The following ERBIN variants were observed in gnomAD, a reference collection of about 807,000 sequenced individuals.
The protein encoded by ERBIN is densin-180-like protein.
A neutral mutation model predicts 158.4 loss-of-function variants in ERBIN; 60 were observed. The observed-to-expected ratio is 0.38, with a 90% CI of 0.31 to 0.47. ERBIN has a LOEUF of 0.47. Among genes scored for constraint, ERBIN ranks in the 20% least tolerant of loss-of-function variants. The pLI is 0.99. For synonymous variants in ERBIN, 594 were observed against 557.2 expected (o/e 1.07, Z -0.93); for missense variants, 1,610 against 1,648.0 (o/e 0.98, Z 0.40).
chr5:66,039,691 A>T (rs1757749099), intron 15 of ERBIN, among the ~76,000 whole-genome samples: 1 of 151,942 alleles, frequency 6.6e-6, no homozygotes, highest in Non-Finnish European at 1.5e-5. Context: ...TATTAAGTAT[A>T]CTATATTTTG....
At chr5:66,068,864 CCT>C (rs1160930) in intron 21 of ERBIN, 544,100 of 1,524,808 alleles carry the variant, frequency 0.36, 104,587 homozygotes, top group Non-Finnish European at 0.4. Context: ...AAATCTATCC[CCT>C]CTTTATTCAG....
At chr5:65,982,785 C>T (rs1232637020) in intron 1 of ERBIN, among the ~76,000 whole-genome samples, 1 of 152,136 alleles carries the variant, frequency 6.6e-6, no homozygotes, top group Non-Finnish European at 1.5e-5. Flanking sequence ...AATTAAATTA[C>T]TTATAGACTA....
chr5:66,011,576 A>G (rs1055349060), intron 4 of ERBIN, among the ~76,000 whole-genome samples: 1 of 152,182 alleles, frequency 6.6e-6, no homozygotes, highest in African/African-American at 2.4e-5. Flanking sequence ...AATCTCAGCT[A>G]TTCAGGAGGC....
intron 1 of ERBIN, among the ~76,000 whole-genome samples, chr5:65,948,216 C>G (rs1746036142): frequency 6.6e-6 from 1 of 151,946 alleles, no homozygotes; most frequent in South Asian, 2.1e-4. Context: ...GGATGTTGCT[C>G]TGTGTCCCAG....
intron 1 of ERBIN, among the ~76,000 whole-genome samples, chr5:65,962,335 C>A (rs1292782081): frequency 6.6e-6 from 1 of 152,000 alleles, no homozygotes; most frequent in Non-Finnish European, 1.5e-5. Flanking sequence ...TATTAAGCTA[C>A]TAGAAAAATG....
intron 4 of ERBIN, among the ~76,000 whole-genome samples, chr5:66,005,159 G>T (rs1753456033): frequency 6.6e-6 from 1 of 152,160 alleles, no homozygotes; most frequent in African/African-American, 2.4e-5. Flanking sequence ...AGTCATCTGA[G>T]GTGATAGTGA....
At chr5:65,926,868 G>T (rs1349328824) in intron 1 of ERBIN, 62 bp downstream of exon 1, 1 of 152,116 alleles carries the variant, frequency 6.6e-6, no homozygotes, top group South Asian at 2.1e-4. Flanking sequence ...ACTCGGAAAA[G>T]AGATGATTCT....
At chr5:66,055,271 TTAA>T in intron 21 of ERBIN, 1 of 262,928 alleles carries the variant, frequency 3.8e-6, no homozygotes, top group Non-Finnish European at 6.4e-6. Flanking sequence ...AACTTTGCTA[TTAA>T]TAATTGTTGA....
chr5:65,939,149 A>T (rs966786846), intron 1 of ERBIN, among the ~76,000 whole-genome samples: 3 of 152,180 alleles, frequency 2.0e-5, no homozygotes, highest in Admixed American at 2.0e-4. Context: ...TCAATAAAAA[A>T]ATACAATAGC....
intron 24 of ERBIN, 114 bp downstream of exon 24, chr5:66,076,522 C>T (rs1433612849): frequency 1.2e-6 from 1 of 815,490 alleles, no homozygotes; most frequent in Admixed American, 2.6e-5. Context: ...TAGACATCAC[C>T]TGGATTCCCC....
At chr5:66,022,341 A>T (rs1755789868) in intron 8 of ERBIN, among the ~76,000 whole-genome samples, 1 of 152,224 alleles carries the variant, frequency 6.6e-6, no homozygotes, top group African/African-American at 2.4e-5. Context: ...AATCGTCATT[A>T]GTTTTTGTAC....
At chr5:65,996,776 A>G (rs1156466212) in intron 4 of ERBIN, among the ~76,000 whole-genome samples, 2 of 152,134 alleles carry the variant, frequency 1.3e-5, no homozygotes, top group African/African-American at 2.4e-5. Flanking sequence ...ATTTCTTTCC[A>G]TTTATTGTGC....
chr5:66,011,105 A>G (rs1754151341), intron 4 of ERBIN, among the ~76,000 whole-genome samples: 1 of 152,232 alleles, frequency 6.6e-6, no homozygotes, highest in African/African-American at 2.4e-5. Flanking sequence ...TATATCTATC[A>G]TAGTATTCAG....
At chr5:66,058,165 T>G (rs1253804669) in intron 21 of ERBIN, among the ~76,000 whole-genome samples, 2 of 151,862 alleles carry the variant, frequency 1.3e-5, no homozygotes, top group Non-Finnish European at 1.5e-5. Flanking sequence ...TGTAAAAGTG[T>G]TCCTATTTCT....
chr5:66,065,126 C>A (rs2151280659), intron 21 of ERBIN, among the ~76,000 whole-genome samples: 1 of 152,282 alleles, frequency 6.6e-6, no homozygotes, highest in Admixed American at 6.5e-5. Flanking sequence ...GATGTGATGA[C>A]TGTGTGCAAG....
intron 1 of ERBIN, among the ~76,000 whole-genome samples, chr5:65,988,065 T>C (rs972584618): frequency 6.6e-6 from 1 of 152,190 alleles, no homozygotes; most frequent in Non-Finnish European, 1.5e-5. Context: ...GTATGAAGAC[T>C]ATCCACTATA....
chr5:65,966,848 C>T (rs549834301), intron 1 of ERBIN, among the ~76,000 whole-genome samples: 4 of 151,792 alleles, frequency 2.6e-5, no homozygotes, highest in South Asian at 4.2e-4. Flanking sequence ...AGGTGGAAGA[C>T]GGATAGTAAT....
chr5:65,957,203 T>G (rs1437080573), intron 1 of ERBIN, among the ~76,000 whole-genome samples: 1 of 151,584 alleles, frequency 6.6e-6, no homozygotes, highest in Non-Finnish European at 1.5e-5. Flanking sequence ...GGATTTTTTT[T>G]TTAAATTTTT....
At chr5:65,970,716 G>A (rs920033377) in intron 1 of ERBIN, among the ~76,000 whole-genome samples, 1 of 152,094 alleles carries the variant, frequency 6.6e-6, no homozygotes, top group African/African-American at 2.4e-5. Context: ...CCTCCCAAGT[G>A]TAGCTGGGGC....
Sources: allele counts gnomAD v4.1 joint callset (sites outside exome capture counted in the v4.1 genomes callset), GRCh38; gene constraint gnomAD v4.1.1; transcripts MANE v1.5; gene names NCBI Gene and HGNC (gene_info 2026-07-23, HGNC 2026-07-21).